HGSNAT: variants seen among roughly 807,000 people sequenced by gnomAD.
The protein encoded by HGSNAT is heparan-alpha-glucosaminide N-acetyltransferase, also known as transmembrane protein 76.
A neutral mutation model predicts 85.2 loss-of-function variants in HGSNAT; 59 were observed. That is an observed-to-expected ratio of 0.69 (90% CI 0.56 to 0.86). The LOEUF (loss-of-function observed/expected upper bound fraction) is 0.86. Among genes scored for constraint, HGSNAT ranks in the 40% least tolerant of loss-of-function variants. The pLI is 0.00. For missense variants in HGSNAT, 756 were observed against 777.1 expected, an observed-to-expected ratio of 0.97 and a Z score of 0.32; for synonymous variants, 321 against 304.5, an observed-to-expected ratio of 1.05 and a Z score of -0.56.
intron 17 of HGSNAT, 33 bp downstream of exon 17, chr8:43,197,985 A>G: frequency 6.7e-7 from 1 of 1,497,834 alleles, no homozygotes; most frequent in South Asian, 1.2e-5. Context: ...CAGAGCTGGG[A>G]TGGTGACCAG....
chr8:43,194,273 C>T, intron 14 of HGSNAT: 1 of 529,418 alleles, frequency 1.9e-6, no homozygotes, highest in East Asian at 1.4e-4. Context: ...ATGGCACACA[C>T]CTGTAGTCCC....
At chr8:43,160,286 A>G (rs1803229814) in intron 4 of HGSNAT, among the ~76,000 whole-genome samples, 1 of 152,244 alleles carries the variant, frequency 6.6e-6, no homozygotes, top group South Asian at 2.1e-4. Context: ...AATTCCAGGT[A>G]ATAAATACAG....
Position 43,175,366 on chromosome 8 carries a change from C to T in HGSNAT, c.851+1623C>T, listed in dbSNP as rs570086138. Among the ~76,000 whole-genome samples, 16 of 152,164 alleles carry T rather than the reference C, an allele frequency of 1.1e-4. No individual in the cohort carries two copies. In the East Asian group the frequency reaches 1.9e-3, roughly 18 times the overall value. ...AACAGTGTACAAGTGTTCCCTTTTC[C>T]CCACCTCCTCATCAGCATTGGTTAT... is the stretch of plus-strand genomic sequence containing the variant. On this transcript the variant is annotated intron_variant, in intron 9 of 17. Transcript: ENST00000379644.
chr8:43,173,985 G>A, intron 9 of HGSNAT: 1 of 313,998 alleles, frequency 3.2e-6, no homozygotes, highest in African/African-American at 2.1e-5. Context: ...GGAGGCTGAG[G>A]CAGGCGAATT....
At chr8:43,163,561 C>G (rs1385453711) in intron 5 of HGSNAT, among the ~76,000 whole-genome samples, 1 of 149,468 alleles carries the variant, frequency 6.7e-6, no homozygotes, top group African/African-American at 2.5e-5. Flanking sequence ...GAGTCTCACT[C>G]TGCCACGCAG....
intron 11 of HGSNAT, among the ~76,000 whole-genome samples, chr8:43,183,201 C>T (rs1804191988): frequency 6.6e-6 from 1 of 152,180 alleles, no homozygotes; most frequent in Non-Finnish European, 1.5e-5. Flanking sequence ...GGGTCTCACT[C>T]TGTTACCCAG....
intron 5 of HGSNAT, among the ~76,000 whole-genome samples, chr8:43,162,350 T>C (rs571253873): frequency 5.3e-5 from 8 of 152,294 alleles, no homozygotes; most frequent in Admixed American, 5.2e-4. Flanking sequence ...ATTCCATGTG[T>C]GAGGACCCCA....
chr8:43,198,101 C>T, intron 17 of HGSNAT, 149 bp downstream of exon 17: 1 of 615,694 alleles, frequency 1.6e-6, no homozygotes, highest in East Asian at 2.8e-5. Context: ...GCAGCAGGGC[C>T]CACATTGTCC....
At chr8:43,179,199 C>G (rs1406387607) in intron 10 of HGSNAT, among the ~76,000 whole-genome samples, 1 of 151,038 alleles carries the variant, frequency 6.6e-6, no homozygotes, top group African/African-American at 2.4e-5. Flanking sequence ...CGGGCAGAAG[C>G]GCCCCTCACC....
chr8:43,152,358 A>G (rs369860064), intron 2 of HGSNAT, among the ~76,000 whole-genome samples: 3 of 152,224 alleles, frequency 2.0e-5, no homozygotes, highest in African/African-American at 7.2e-5. Context: ...CAAACAGTGT[A>G]ATCATCCAAA....
intron 2 of HGSNAT, among the ~76,000 whole-genome samples, chr8:43,148,696 T>C (rs895349872): frequency 7.0e-6 from 1 of 142,842 alleles, no homozygotes; most frequent in African/African-American, 2.6e-5. Flanking sequence ...AGGCTGAGGC[T>C]GGAGAATCGC....
intron 1 of HGSNAT, among the ~76,000 whole-genome samples, chr8:43,141,303 C>T (rs1466085177): frequency 6.6e-6 from 1 of 152,134 alleles, no homozygotes; most frequent in African/African-American, 2.4e-5. Context: ...CCGCCGCCGC[C>T]GCCGCCGCCT....
intron 5 of HGSNAT, among the ~76,000 whole-genome samples, chr8:43,168,384 CTTTTTTTTTTTT>C (rs34270087): frequency 1.8e-3 from 129 of 70,270 alleles, no homozygotes; most frequent in African/African-American, 7.3e-3. Context: ...AATAGTTGAT[CTTTTTTTTTTTT>C]TTTTTTTTTT....
intron 11 of HGSNAT, among the ~76,000 whole-genome samples, chr8:43,186,489 C>G (rs1200428053): frequency 6.6e-6 from 1 of 151,982 alleles, no homozygotes; most frequent in African/African-American, 2.4e-5. Flanking sequence ...GGTGATATCA[C>G]CCTTATCATT....
In HGSNAT at chr8:43,186,634, A is replaced by G. The variant is rs573204051; in HGVS notation, c.1128+4374A>G. 6.2e-4 allele frequency among the ~76,000 whole-genome samples: 94 copies of G among 151,640 alleles called. 1 individual carries two copies. Among genetic ancestry groups the G allele is most frequent in the African/African-American group, 2.2e-3 (91 of 41,320 alleles). On this transcript the variant is annotated intron_variant, in intron 11 of 17. Transcript: ENST00000379644. ...TTTTTGAAGGGTTTTTTGTGTTTCTATCTCCTTCAGTTCTGCTCTGATCTT... is the reference window on the plus strand; with the variant it reads ...TTTTTGAAGGGTTTTTTGTGTTTCTGTCTCCTTCAGTTCTGCTCTGATCTT...
chr8:43,171,072 G>T (rs1477728186), intron 7 of HGSNAT, among the ~76,000 whole-genome samples: 1 of 152,214 alleles, frequency 6.6e-6, no homozygotes, highest in African/African-American at 2.4e-5. Context: ...CCAGCATGTG[G>T]CAGAGGGAGG....
chr8:43,188,586 A>G (rs569297833), intron 11 of HGSNAT, among the ~76,000 whole-genome samples: 2 of 152,302 alleles, frequency 1.3e-5, no homozygotes, highest in East Asian at 3.9e-4. Context: ...GATGGGTTCA[A>G]ACATCCTCCT....
At chr8:43,165,529 G>A (rs1376183741) in intron 5 of HGSNAT, among the ~76,000 whole-genome samples, 1 of 152,240 alleles carries the variant, frequency 6.6e-6, no homozygotes, top group African/African-American at 2.4e-5. Context: ...AGAAAGGCAT[G>A]TCGAGAGCCA....
At chr8:43,181,940 C>T in intron 10 of HGSNAT, 1 of 563,460 alleles carries the variant, frequency 1.8e-6, no homozygotes, top group Non-Finnish European at 3.2e-6. Context: ...CTGACCCTCC[C>T]TCTATTAAGA....
Sources: allele counts gnomAD v4.1 joint callset (sites outside exome capture counted in the v4.1 genomes callset), GRCh38; gene constraint gnomAD v4.1.1; transcripts MANE v1.5; gene names NCBI Gene and HGNC (gene_info 2026-07-23, HGNC 2026-07-21).